PAX3: variants seen among roughly 807,000 people sequenced by gnomAD.
The protein encoded by PAX3 is paired box 3, also known as paired box protein Pax-3.
In PAX3, 14 loss-of-function variants were observed where a neutral mutation model predicts 51.6. The ratio of observed to expected loss-of-function variants is 0.27; its 90% confidence interval spans 0.18 to 0.42. PAX3 has a LOEUF of 0.42. Ranked by LOEUF, PAX3 falls within the 10% of genes least tolerant of loss-of-function variation. PAX3 has a pLI of 1.00. For synonymous variants in PAX3, 280 were observed against 253.4 expected (o/e 1.11, Z -1.00); for missense variants, 540 against 642.8 (o/e 0.84, Z 1.73).
chr2:222,259,284 A>C (rs1023574770), intron 4 of PAX3, among the ~76,000 whole-genome samples: 1 of 152,152 alleles, frequency 6.6e-6, no homozygotes, highest in African/African-American at 2.4e-5. Flanking sequence ...CCCATTCTCC[A>C]CTTCCTGATA....
At chr2:222,252,733 GTC>G (rs1436029435) in intron 4 of PAX3, among the ~76,000 whole-genome samples, 2 of 151,986 alleles carry the variant, frequency 1.3e-5, no homozygotes, top group African/African-American at 4.8e-5. Flanking sequence ...GAGGGCCCAG[GTC>G]TCTGTGATGT....
At chr2:222,239,154 T>C (rs945024603) in intron 4 of PAX3, among the ~76,000 whole-genome samples, 10 of 152,240 alleles carry the variant, frequency 6.6e-5, no homozygotes, top group African/African-American at 2.2e-4. Context: ...TGGAGGCTTT[T>C]GTTGGATCCC....
intron 4 of PAX3, among the ~76,000 whole-genome samples, chr2:222,279,818 T>C (rs916882304): frequency 1.3e-5 from 2 of 152,094 alleles, no homozygotes. Context: ...CCAACAAAGA[T>C]TCAGAAAAAA....
chr2:222,297,694 G>A (rs912501721), intron 1 of PAX3, among the ~76,000 whole-genome samples: 2 of 152,328 alleles, frequency 1.3e-5, no homozygotes, highest in African/African-American at 4.8e-5. Context: ...CAGCAGCCAA[G>A]GGTCAAAGAG....
chr2:222,260,327 C>T (rs1693797127), intron 4 of PAX3, among the ~76,000 whole-genome samples: 1 of 152,052 alleles, frequency 6.6e-6, no homozygotes, highest in Admixed American at 6.5e-5. Flanking sequence ...ATGATCATGC[C>T]ACTGCACTCC....
chr2:222,246,529 C>T (rs1693234969), intron 4 of PAX3, among the ~76,000 whole-genome samples: 1 of 151,916 alleles, frequency 6.6e-6, no homozygotes, highest in Non-Finnish European at 1.5e-5. Context: ...AGTCCCAGAA[C>T]CAAAAAGAAT....
At chr2:222,204,264 C>T (rs1304774213) in intron 7 of PAX3, among the ~76,000 whole-genome samples, 2 of 152,122 alleles carry the variant, frequency 1.3e-5, no homozygotes, top group Admixed American at 1.3e-4. Context: ...CCCTACCCAG[C>T]ATTGTTTATA....
In PAX3 at chr2:222,221,387, C is replaced by T. The variant is rs1210072810; in HGVS notation, c.793G>A (p.Val265Ile). Residue 265 changes from valine to isoleucine, a missense_variant and splice_region_variant, in exon 6 of 9, where the codon GTC becomes ATC. Val to Ile is a conservative substitution (Grantham distance 29). Around this residue, in one of 3 missense-constraint regions of PAX3, gnomAD observed 427 missense variants for 483.6 expected, o/e 0.88. Transcript: ENST00000392070. Reference protein sequence around the residue: ...RAKLTEARVQVWFSNRRARWR... With the variant: ...RAKLTEARVQIWFSNRRARWR... The stretch of plus-strand genomic sequence containing the variant: ...CTTGCACGGCGGTTGCTAAACCAGA[C>T]CTATGGATTTAATTTAAAATTTAAG... 2 of 1,612,982 alleles carry T rather than the reference C, an allele frequency of 1.2e-6. No individual in the cohort carries two copies. The highest frequency in any genetic ancestry group is 1.7e-6 in the Non-Finnish European group (2 of 1,179,114).
chr2:222,254,101 G>GC lies in PAX3; in HGVS notation c.587-21819_587-21818insG, dbSNP rs1553580537. 7.5e-3 allele frequency among the ~76,000 whole-genome samples: 1,134 copies of GC among 151,664 alleles called. 20 individuals carry two copies. Among genetic ancestry groups the GC allele is most frequent in the African/African-American group, 0.026 (1,086 of 41,370 alleles). ...GAGCTCACAGTACAGCAAATGACAA[G>GC]TTTTTTTTTAATATGACATCCAATC... On this transcript the variant is annotated intron_variant, in intron 4 of 8. Transcript: ENST00000392070.
rs1395192494 is a variant in PAX3, at chr2:222,200,011, T to A, written c.*1397A>T. 4.9e-6 allele frequency: 1 copy of A among 202,154 alleles called. No individual in the cohort carries two copies. The highest frequency in any genetic ancestry group is 1.9e-4 in the South Asian group (1 of 5,270). 12.5% of individuals were successfully genotyped at this position (202,154 alleles called of 1,614,324 possible). On this transcript the variant is annotated 3_prime_UTR_variant, in exon 9 of 9. Transcript: ENST00000392070. ...CAACACAAAGATAGTACTTCTCTTG[T>A]TCCATCACCCTCTAAGACCAATGCA...
intron 4 of PAX3, among the ~76,000 whole-genome samples, chr2:222,275,492 C>A (rs6734345): frequency 0.22 from 32,618 of 151,264 alleles, 4,024 homozygotes; most frequent in South Asian, 0.37. Flanking sequence ...TTAATTTTAC[C>A]ATTCAGTCTT....
At position 222,221,210 on chromosome 2, in the gene PAX3, C is replaced by T. The variant is rs375927745; in HGVS notation, c.958+12G>A. The stretch of plus-strand genomic sequence containing the variant: ...AAGTTACTTTCTAATCTCCTTGACT[C>T]TTCCTCGGTACCTTGTGGAATAGAT... On this transcript the variant is annotated intron_variant, in intron 6 of 8. Coordinates refer to ENST00000392070, the MANE Select transcript of PAX3 (RefSeq NM_181458.4). 6 of 1,613,578 alleles carry T rather than the reference C, an allele frequency of 3.7e-6. No homozygotes were observed. The highest frequency in any genetic ancestry group is 1.3e-5 in the African/African-American group (1 of 74,878).
At chr2:222,214,452 A>C (rs1335606608) in intron 7 of PAX3, 1 of 152,146 alleles carries the variant, frequency 6.6e-6, no homozygotes, top group Non-Finnish European at 1.5e-5. Context: ...GGTAGAGTTA[A>C]AGGTTTGCTT....
intron 5 of PAX3, among the ~76,000 whole-genome samples, chr2:222,228,329 CG>C (rs1476757458): frequency 1.3e-5 from 2 of 152,104 alleles, no homozygotes; most frequent in Admixed American, 1.3e-4. Context: ...GGCCCTGCTT[CG>C]AAGAGGAGGT....
intron 4 of PAX3, among the ~76,000 whole-genome samples, chr2:222,292,045 G>C (rs919590419): frequency 6.6e-6 from 1 of 150,864 alleles, no homozygotes; most frequent in African/African-American, 2.4e-5. Flanking sequence ...GCCCCCACTG[G>C]GGAGAATACT....
intron 7 of PAX3, among the ~76,000 whole-genome samples, chr2:222,203,653 C>G (rs895142072): frequency 1.3e-5 from 2 of 152,060 alleles, no homozygotes; most frequent in East Asian, 3.9e-4. Flanking sequence ...AGGCGGGGGG[C>G]GGGTCTAGTT....
At position 222,293,981 on chromosome 2, in the gene PAX3, T is replaced by C; in HGVS notation, c.586+186A>G. 3.3e-6 allele frequency: 5 copies of C among 1,524,754 alleles called. No homozygotes were observed. In the South Asian group the frequency reaches 3.9e-5, roughly 12 times the overall value. 94.5% of individuals were successfully genotyped at this position (1,524,754 alleles called of 1,614,324 possible). A position where few individuals can be genotyped will look rare whatever the true frequency, so the allele number is the denominator to read the frequency against. ...ACAGAAAAACTAAGCAGAATAGAAA[T>C]GTTTGTTTTGATTCCTAGTGTCCCT... On this transcript the variant is annotated intron_variant, in intron 4 of 8. Coordinates refer to ENST00000392070, the MANE Select transcript of PAX3 (RefSeq NM_181458.4).
At chr2:222,284,836 C>CCTG (rs1163314680) in intron 4 of PAX3, among the ~76,000 whole-genome samples, 1 of 152,194 alleles carries the variant, frequency 6.6e-6, no homozygotes, top group Non-Finnish European at 1.5e-5. Context: ...CTCACAGAAT[C>CCTG]CTGGAAAGCT....
intron 4 of PAX3, among the ~76,000 whole-genome samples, chr2:222,279,409 C>T (rs1477936282): frequency 1.3e-5 from 2 of 151,874 alleles, no homozygotes; most frequent in Non-Finnish European, 2.9e-5. Flanking sequence ...GGAACAGCAC[C>T]CAAGACTGAC....
Sources: gnomAD v4.1 joint callset for allele counts (sites outside exome capture counted in the v4.1 genomes callset) on GRCh38, gnomAD v4.1.1 for gene constraint, gnomAD v4.1.1 regional missense constraint, MANE v1.5 for transcripts, NCBI Gene and HGNC (gene_info 2026-07-23, HGNC 2026-07-21) for gene names.